GALNTL6: variants seen among roughly 807,000 people sequenced by gnomAD.
GALNTL6 encodes the protein polypeptide N-acetylgalactosaminyltransferase-like 6.
In GALNTL6, 46 loss-of-function variants were observed where a neutral mutation model predicts 73.7. The observed-to-expected ratio is 0.62, with a 90% CI of 0.49 to 0.80. GALNTL6 has a LOEUF of 0.80. Among genes scored for constraint, GALNTL6 ranks in the 30% least tolerant of loss-of-function variants. GALNTL6 has a pLI of 0.00. For synonymous variants in GALNTL6, 259 were observed against 263.7 expected (o/e 0.98, Z 0.17); for missense variants, 604 against 755.0 (o/e 0.80, Z 2.34).
intron 5 of GALNTL6, among the ~76,000 whole-genome samples, chr4:172,724,012 C>A (rs1025025974): frequency 5.3e-5 from 8 of 152,154 alleles, no homozygotes; most frequent in Admixed American, 5.2e-4. Context: ...CTGGGTCTGG[C>A]AAAATGTCAG....
chr4:172,151,417 G>T (rs1734084039), intron 2 of GALNTL6, among the ~76,000 whole-genome samples: 1 of 152,124 alleles, frequency 6.6e-6, no homozygotes, highest in Non-Finnish European at 1.5e-5. Flanking sequence ...TAGACAGCTA[G>T]CTCACAATAT....
intron 5 of GALNTL6, among the ~76,000 whole-genome samples, chr4:172,772,146 G>A (rs1424832267): frequency 2.0e-5 from 3 of 152,186 alleles, no homozygotes; most frequent in African/African-American, 4.8e-5. Flanking sequence ...CATGAGAAGA[G>A]CATGGGAAAG....
chr4:172,282,333 C>A (rs1167356699), intron 3 of GALNTL6, among the ~76,000 whole-genome samples: 3 of 152,160 alleles, frequency 2.0e-5, no homozygotes, highest in Admixed American at 6.5e-5. Context: ...CAAGATACAA[C>A]CATCCACCCA....
At chr4:171,927,447 C>T (rs1738023160) in intron 2 of GALNTL6, among the ~76,000 whole-genome samples, 1 of 151,982 alleles carries the variant, frequency 6.6e-6, no homozygotes, top group South Asian at 2.1e-4. Context: ...TTTTCAATAT[C>T]ATTTTACTAT....
chr4:172,445,739 CCTAGTGAATT>C (rs1338198775), intron 5 of GALNTL6, among the ~76,000 whole-genome samples: 2 of 151,898 alleles, frequency 1.3e-5, no homozygotes, highest in African/African-American at 4.8e-5. Flanking sequence ...TTATTCTTTC[CCTAGTGAATT>C]GTAAATTATT....
intron 5 of GALNTL6, among the ~76,000 whole-genome samples, chr4:172,627,920 T>C (rs1178983954): frequency 1.6e-5 from 2 of 124,694 alleles, no homozygotes; most frequent in African/African-American, 3.1e-5. Context: ...AGCAGTATAT[T>C]GATCTTGTTT....
At chr4:172,373,792 AC>A (rs1742917564) in intron 5 of GALNTL6, among the ~76,000 whole-genome samples, 1 of 152,190 alleles carries the variant, frequency 6.6e-6, no homozygotes, top group African/African-American at 2.4e-5. Context: ...CCCAATTACA[AC>A]TGAGGAGGTG....
chr4:172,102,580 CCA>C (rs1732549534), intron 2 of GALNTL6, among the ~76,000 whole-genome samples: 1 of 151,462 alleles, frequency 6.6e-6, no homozygotes, highest in East Asian at 1.9e-4. Context: ...GTATTCAACA[CCA>C]GAGATGTCAG....
chr4:172,960,171 G>C lies in GALNTL6; in HGVS notation c.1371+7913G>C, dbSNP rs1749969320. On this transcript the variant is annotated intron_variant, in intron 10 of 12. Transcript: ENST00000506823. ...GTCTAGGGCTGTAAAGCGTCTCAGG[G>C]TTGCTGCCAAACAAGCCAAAAACTG... Among the ~76,000 whole-genome samples the C allele has an allele frequency of 2.6e-5, 4 of 152,206 alleles. No individual in the cohort carries two copies. In the South Asian group the frequency reaches 8.3e-4, roughly 32 times the overall value.
intron 2 of GALNTL6, among the ~76,000 whole-genome samples, chr4:171,926,147 A>G (rs1737976599): frequency 6.6e-6 from 1 of 152,054 alleles, no homozygotes; most frequent in Non-Finnish European, 1.5e-5. Context: ...CAATTCCTCA[A>G]TTAAATTATA....
At chr4:172,811,482 G>C (rs978375429) in intron 6 of GALNTL6, among the ~76,000 whole-genome samples, 3 of 152,116 alleles carry the variant, frequency 2.0e-5, no homozygotes, top group Non-Finnish European at 4.4e-5. Context: ...AGGGATGAGA[G>C]AAAAAATATT....
chr4:172,051,658 AG>A (rs1482626878), intron 2 of GALNTL6, among the ~76,000 whole-genome samples: 3 of 151,932 alleles, frequency 2.0e-5, no homozygotes, highest in African/African-American at 7.3e-5. Context: ...ATCTCCTCAT[AG>A]GTTCTGTAGC....
At chr4:172,201,010 T>C (rs530169579) in intron 2 of GALNTL6, among the ~76,000 whole-genome samples, 1 of 152,352 alleles carries the variant, frequency 6.6e-6, no homozygotes, top group Admixed American at 6.5e-5. Context: ...TAGTATGCTC[T>C]ATGAAAGAGA....
intron 5 of GALNTL6, among the ~76,000 whole-genome samples, chr4:172,657,117 T>C (rs569087637): frequency 6.6e-6 from 1 of 152,314 alleles, no homozygotes; most frequent in African/African-American, 2.4e-5. Flanking sequence ...TAGTCAAAAA[T>C]ACATGCTGAT....
intron 2 of GALNTL6, among the ~76,000 whole-genome samples, chr4:172,107,973 A>T (rs549180335): frequency 1.6e-3 from 246 of 152,336 alleles, no homozygotes; most frequent in African/African-American, 5.3e-3. Context: ...GAAGAAAAGT[A>T]GGTTTTTAGT....
At chr4:172,658,909 C>T (rs1213963920) in intron 5 of GALNTL6, among the ~76,000 whole-genome samples, 1 of 152,110 alleles carries the variant, frequency 6.6e-6, no homozygotes, top group East Asian at 1.9e-4. Context: ...ACTTCAGTTT[C>T]TTCACCTTAA....
chr4:172,863,396 C>T (rs1364345859), intron 7 of GALNTL6, among the ~76,000 whole-genome samples: 1 of 152,202 alleles, frequency 6.6e-6, no homozygotes, highest in Non-Finnish European at 1.5e-5. Context: ...TGCAAATCCA[C>T]ATAGGCGGAG....
intron 5 of GALNTL6, among the ~76,000 whole-genome samples, chr4:172,416,593 A>G (rs1730845717): frequency 6.6e-6 from 1 of 152,200 alleles, no homozygotes. Context: ...GCACAGTTCA[A>G]TTTTGTTTTT....
intron 7 of GALNTL6, among the ~76,000 whole-genome samples, chr4:172,868,239 A>G (rs1361410246): frequency 5.3e-5 from 8 of 152,356 alleles, no homozygotes; most frequent in Non-Finnish European, 1.5e-5. Context: ...TCACAACACT[A>G]TGCAAAAATC....
Sources: allele counts gnomAD v4.1 joint callset (sites outside exome capture counted in the v4.1 genomes callset), GRCh38; gene constraint gnomAD v4.1.1; transcripts MANE v1.5; gene names NCBI Gene and HGNC (gene_info 2026-07-23, HGNC 2026-07-21).